The following ADAMTSL1 variants were observed in gnomAD, a reference collection of about 807,000 sequenced individuals.
ADAMTSL1 encodes ADAMTS-like protein 1.
Under a neutral mutation model 201.8 loss-of-function variants are expected in ADAMTSL1, and 126 were observed. The ratio of observed to expected loss-of-function variants is 0.62; its 90% CI spans 0.54 to 0.72. The LOEUF is 0.72. Among genes scored for constraint, ADAMTSL1 ranks in the 30% least tolerant of loss-of-function variants. ADAMTSL1 has a pLI of 0.00. For synonymous variants in ADAMTSL1, 1,121 were observed against 903.4 expected, an observed-to-expected ratio of 1.24 and a Z score of -4.32; for missense variants, 2,679 against 2,277.8, an observed-to-expected ratio of 1.18 and a Z score of -3.59.
chr9:18,623,629 G>A (rs1008586200), intron 5 of ADAMTSL1, among the ~76,000 whole-genome samples: 2 of 152,144 alleles, frequency 1.3e-5, no homozygotes, highest in African/African-American at 4.8e-5. Context: ...CAAAAATTGA[G>A]TCATTAATCT....
chr9:18,168,584 A>T (rs1342197401), intron 2 of ADAMTSL1, among the ~76,000 whole-genome samples: 1 of 151,226 alleles, frequency 6.6e-6, no homozygotes, highest in African/African-American at 2.4e-5. Flanking sequence ...CGCACTAAAC[A>T]TACGTGTGCC....
intron 1 of ADAMTSL1, among the ~76,000 whole-genome samples, chr9:17,917,312 A>T (rs943222517): frequency 1.3e-5 from 2 of 152,096 alleles, no homozygotes; most frequent in African/African-American, 2.4e-5. Context: ...GTATGAACAG[A>T]TATCCTTGTC....
At chr9:18,234,036 T>C (rs746855391) in intron 2 of ADAMTSL1, among the ~76,000 whole-genome samples, 1 of 152,146 alleles carries the variant, frequency 6.6e-6, no homozygotes, top group Non-Finnish European at 1.5e-5. Context: ...CCTGTGAAGG[T>C]TGGTGGCCAG....
chr9:18,059,355 T>C (rs1822346146), intron 1 of ADAMTSL1, among the ~76,000 whole-genome samples: 1 of 152,220 alleles, frequency 6.6e-6, no homozygotes, highest in South Asian at 2.1e-4. Flanking sequence ...TATCATTTTT[T>C]TGGTTGAGTC....
At chr9:18,819,500 A>G (rs1407079584) in intron 21 of ADAMTSL1, among the ~76,000 whole-genome samples, 1 of 151,660 alleles carries the variant, frequency 6.6e-6, no homozygotes, top group Non-Finnish European at 1.5e-5. Flanking sequence ...CAAAACAAGG[A>G]AATGGGCATT....
At chr9:18,470,355 C>A (rs1033982500), upstream of ADAMTSL1, among the ~76,000 whole-genome samples, 1 of 152,178 alleles carries the variant, frequency 6.6e-6, no homozygotes, top group Non-Finnish European at 1.5e-5. Context: ...GAGTAATGCT[C>A]AAATTTCAGT....
intron 20 of ADAMTSL1, among the ~76,000 whole-genome samples, chr9:18,816,593 ATTTAAT>A (rs1392841157): frequency 6.6e-6 from 1 of 152,144 alleles, no homozygotes; most frequent in Non-Finnish European, 1.5e-5. Flanking sequence ...AAGTGAAAAA[ATTTAAT>A]TTTAAAAAAG....
chr9:18,104,753 CAAT>C (rs1824683899), intron 1 of ADAMTSL1, among the ~76,000 whole-genome samples: 1 of 152,114 alleles, frequency 6.6e-6, no homozygotes, highest in South Asian at 2.1e-4. Flanking sequence ...ATTTAAATAA[CAAT>C]AATTTTAAAA....
At chr9:18,903,325 C>T (rs1359844) in intron 26 of ADAMTSL1, among the ~76,000 whole-genome samples, 85,774 of 151,546 alleles carry the variant, frequency 0.57, 24,558 homozygotes, top group African/African-American at 0.63. Context: ...GTTATATACA[C>T]AATACATAGT....
intron 13 of ADAMTSL1, among the ~76,000 whole-genome samples, chr9:18,703,775 C>A (rs1393083607): frequency 7.5e-6 from 1 of 133,938 alleles, no homozygotes; most frequent in Admixed American, 8.2e-5. Context: ...AACTTTCAAC[C>A]ATTGCAACAA....
At chr9:18,600,067 T>C (rs1824536400) in intron 4 of ADAMTSL1, among the ~76,000 whole-genome samples, 1 of 150,878 alleles carries the variant, frequency 6.6e-6, no homozygotes, top group East Asian at 1.9e-4. Flanking sequence ...AGCAAACATC[T>C]GATAGAGCTG....
chr9:18,109,678 C>T (rs1824915465), intron 1 of ADAMTSL1, among the ~76,000 whole-genome samples: 1 of 152,172 alleles, frequency 6.6e-6, no homozygotes, highest in African/African-American at 2.4e-5. Flanking sequence ...GTATATCAGA[C>T]AGCCTTTTAG....
intron 1 of ADAMTSL1, among the ~76,000 whole-genome samples, chr9:17,976,590 C>A (rs1323993346): frequency 6.6e-6 from 1 of 151,666 alleles, no homozygotes; most frequent in Non-Finnish European, 1.5e-5. Context: ...GATTTTGTAT[C>A]TGCAACTTTA....
At chr9:18,101,563 T>G (rs2131849379) in intron 1 of ADAMTSL1, among the ~76,000 whole-genome samples, 1 of 152,158 alleles carries the variant, frequency 6.6e-6, no homozygotes, top group African/African-American at 2.4e-5. Context: ...TTTGAAAACT[T>G]TTTTCCCCTG....
chr9:18,174,568 C>G (rs933590650), intron 2 of ADAMTSL1, among the ~76,000 whole-genome samples: 23 of 152,082 alleles, frequency 1.5e-4, no homozygotes, highest in African/African-American at 5.3e-4. Context: ...ACAGCACACC[C>G]TCTCCTAGAA....
intron 1 of ADAMTSL1, among the ~76,000 whole-genome samples, chr9:17,971,555 A>C (rs1818206519): frequency 6.6e-6 from 1 of 152,026 alleles, no homozygotes; most frequent in Non-Finnish European, 1.5e-5. Flanking sequence ...TTCACAAAAT[A>C]CCTGTACTAT....
intron 4 of ADAMTSL1, among the ~76,000 whole-genome samples, chr9:18,575,297 C>A (rs1410585723): frequency 6.6e-6 from 1 of 152,108 alleles, no homozygotes; most frequent in African/African-American, 2.4e-5. Flanking sequence ...ACATAGTCAA[C>A]CTTCCTAAAG....
chr9:18,539,527 T>A (rs1454474911), intron 3 of ADAMTSL1, among the ~76,000 whole-genome samples: 1 of 152,206 alleles, frequency 6.6e-6, no homozygotes, highest in African/African-American at 2.4e-5. Flanking sequence ...TTTTGAATAT[T>A]CAAGGGAAAC....
At chr9:18,837,937 T>C (rs1457665010) in intron 23 of ADAMTSL1, among the ~76,000 whole-genome samples, 1 of 152,200 alleles carries the variant, frequency 6.6e-6, no homozygotes, top group Admixed American at 6.5e-5. Context: ...TTTCCTACTG[T>C]ATCTCTGTGT....
Sources: gnomAD v4.1 joint callset for allele counts (sites outside exome capture counted in the v4.1 genomes callset) on GRCh38, gnomAD v4.1.1 for gene constraint, MANE v1.5 for transcripts, NCBI Gene and HGNC (gene_info 2026-07-23, HGNC 2026-07-21) for gene names.